The following CFAP61 variants were observed in gnomAD, a reference collection of about 807,000 sequenced individuals.
CFAP61 encodes the protein cilia and flagella associated protein 61.
In CFAP61, 107 loss-of-function variants were observed where a neutral mutation model predicts 135.6. The observed-to-expected ratio is 0.79, with a 90% CI of 0.67 to 0.93. The LOEUF (loss-of-function observed/expected upper bound fraction) is 0.93. Ranked by LOEUF, CFAP61 falls within the 40% of genes least tolerant of loss-of-function variation. The probability of loss-of-function intolerance (pLI) is 0.00; values close to 1 mark genes in which losing one functional copy is unlikely to be tolerated. For synonymous variants in CFAP61, 575 were observed against 578.5 expected, an observed-to-expected ratio of 0.99 and a Z score of 0.09; for missense variants, 1,507 against 1,556.2, an observed-to-expected ratio of 0.97 and a Z score of 0.53.
intron 17 of CFAP61, among the ~76,000 whole-genome samples, chr20:20,217,953 A>G (rs2048147045): frequency 6.6e-6 from 1 of 152,052 alleles, no homozygotes; most frequent in Non-Finnish European, 1.5e-5. Context: ...ATCCTTCCAA[A>G]TCCTTGCCCT....
intron 20 of CFAP61, among the ~76,000 whole-genome samples, chr20:20,259,245 C>CTTTTT (rs3060665): frequency 1.3e-5 from 1 of 75,944 alleles, no homozygotes; most frequent in African/African-American, 5.5e-5. Flanking sequence ...GCCCTTCCAT[C>CTTTTT]TTTTTTTTTT....
intron 21 of CFAP61, among the ~76,000 whole-genome samples, chr20:20,272,559 C>A (rs905476370): frequency 6.6e-6 from 1 of 152,234 alleles, no homozygotes; most frequent in African/African-American, 2.4e-5. Context: ...GAGGCCCAGA[C>A]ACCCCCTGCA....
chr20:20,235,187 G>A (rs1343935781), intron 18 of CFAP61, among the ~76,000 whole-genome samples: 1 of 152,024 alleles, frequency 6.6e-6, no homozygotes, highest in Admixed American at 6.5e-5. Context: ...CCTCCTAAGA[G>A]ACTCATGTCT....
chr20:20,251,975 A>C (rs1447284636), intron 20 of CFAP61, among the ~76,000 whole-genome samples: 1 of 152,214 alleles, frequency 6.6e-6, no homozygotes, highest in African/African-American at 2.4e-5. Context: ...CAAGAAAAAC[A>C]TTCTGCTCGA....
At chr20:20,191,447 TTTGA>T in intron 15 of CFAP61, 28 bp downstream of exon 15, 1 of 1,550,326 alleles carries the variant, frequency 6.5e-7, no homozygotes, top group Non-Finnish European at 8.9e-7. Flanking sequence ...TATAAATTTC[TTTGA>T]TTGTGCCTTG....
intron 9 of CFAP61, among the ~76,000 whole-genome samples, chr20:20,156,174 A>G (rs933055840): frequency 6.6e-6 from 1 of 152,176 alleles, no homozygotes; most frequent in African/African-American, 2.4e-5. Context: ...AAAAAAATTT[A>G]AAAATTAGCA....
chr20:20,341,904 A>G lies in CFAP61; in HGVS notation c.3496A>G (p.Ile1166Val). ...TGATCTCAGGAAAGAGTTACGCCAA[A>G]TCTTAGCCTCCAAGGAGGTAAGAGT... ...FIDLRKELRQILASKEEEDLP... is the reference protein window; with the variant it reads ...FIDLRKELRQVLASKEEEDLP... Residue 1166 changes from isoleucine to valine, a missense_variant, in exon 26 of 27, where the codon ATC becomes GTC. By Grantham distance (29) the Ile-to-Val change is conservative. Transcript: ENST00000245957. 1 of 1,612,866 alleles carries G rather than the reference A, an allele frequency of 6.2e-7. No individual in the cohort carries two copies. The highest frequency in any genetic ancestry group is 8.5e-7 in the Non-Finnish European group (1 of 1,179,470).
chr20:20,131,378 G>T (rs1484141115), intron 8 of CFAP61, among the ~76,000 whole-genome samples: 1 of 152,026 alleles, frequency 6.6e-6, no homozygotes, highest in Non-Finnish European at 1.5e-5. Context: ...ATTTTTATAT[G>T]AATATATACA....
intron 8 of CFAP61, among the ~76,000 whole-genome samples, chr20:20,120,133 A>G (rs959498101): frequency 6.6e-6 from 1 of 152,174 alleles, no homozygotes; most frequent in Non-Finnish European, 1.5e-5. Context: ...ATACTCAGTA[A>G]TGAGATTTTT....
intron 8 of CFAP61, among the ~76,000 whole-genome samples, chr20:20,132,853 CCTT>C (rs1279755939): frequency 2.0e-5 from 3 of 151,650 alleles, no homozygotes; most frequent in South Asian, 4.2e-4. Flanking sequence ...TTTTTCCTGT[CCTT>C]CTATTTTTAC....
chr20:20,210,408 A>G (rs1039878102), intron 17 of CFAP61, among the ~76,000 whole-genome samples: 3 of 152,238 alleles, frequency 2.0e-5, no homozygotes, highest in Admixed American at 6.5e-5. Flanking sequence ...TTCAGACTCA[A>G]AAAACCTTCT....
chr20:20,278,630 TG>T, intron 22 of CFAP61, among the ~76,000 whole-genome samples: 1 of 151,880 alleles, frequency 6.6e-6, no homozygotes, highest in East Asian at 1.9e-4. Flanking sequence ...TACCTAGGAG[TG>T]GGGGGTGATC....
At chr20:20,192,283 C>T (rs1182822973) in intron 15 of CFAP61, among the ~76,000 whole-genome samples, 1 of 151,968 alleles carries the variant, frequency 6.6e-6, no homozygotes, top group Non-Finnish European at 1.5e-5. Context: ...TTCTTTGCAT[C>T]GTATTTTGTG....
chr20:20,096,700 A>G (rs1424602405), intron 7 of CFAP61, among the ~76,000 whole-genome samples: 1 of 152,210 alleles, frequency 6.6e-6, no homozygotes, highest in African/African-American at 2.4e-5. Context: ...CATATGGTAG[A>G]TGGATTGGTT....
rs550031816 is a variant in CFAP61 at position 20,281,554 on chromosome 20, C to T, written c.2796+4096C>T. 5.1e-4 allele frequency among the ~76,000 whole-genome samples: 78 copies of T among 152,106 alleles called. 1 individual carries two copies. The highest frequency in any genetic ancestry group is 9.9e-4 in the Non-Finnish European group (67 of 67,964). On this transcript the variant is annotated intron_variant, in intron 22 of 26. Transcript: ENST00000245957. ...CTTTAATACAGTGAATTACGTTGAT[C>T]GATTTTTGAAAATGTTCAGCCAGCC...
chr20:20,228,780 A>G (rs1053565644), intron 18 of CFAP61, among the ~76,000 whole-genome samples: 4 of 152,150 alleles, frequency 2.6e-5, no homozygotes, highest in Non-Finnish European at 5.9e-5. Flanking sequence ...CCCTTTTCTA[A>G]AGGAATGTTT....
intron 6 of CFAP61, among the ~76,000 whole-genome samples, chr20:20,088,354 T>C (rs1005448487): frequency 6.6e-6 from 1 of 152,176 alleles, no homozygotes; most frequent in Admixed American, 6.5e-5. Context: ...GGAAAGAGGT[T>C]TAATTGACTC....
At chr20:20,253,719 G>A (rs377689753) in intron 20 of CFAP61, 23 of 355,666 alleles carry the variant, frequency 6.5e-5, no homozygotes, top group African/African-American at 4.1e-4. Context: ...CAGATACTGG[G>A]TGGCTCTTGA....
At chr20:20,065,834 A>C (rs1330522202) in intron 2 of CFAP61, among the ~76,000 whole-genome samples, 1 of 152,116 alleles carries the variant, frequency 6.6e-6, no homozygotes, top group Non-Finnish European at 1.5e-5. Context: ...GGGGGACAGA[A>C]CTGTGCCCAG....
Sources: gnomAD v4.1 joint callset for allele counts (sites outside exome capture counted in the v4.1 genomes callset) on GRCh38, gnomAD v4.1.1 for gene constraint, MANE v1.5 for transcripts, NCBI Gene and HGNC (gene_info 2026-07-23, HGNC 2026-07-21) for gene names.